ADAMTSL1: variants seen among roughly 807,000 people sequenced by gnomAD.
The protein encoded by ADAMTSL1 is ADAMTS-like protein 1.
ADAMTSL1 carries 126 observed loss-of-function variants against 201.8 expected under a neutral mutation model. The observed-to-expected ratio is 0.62, with a 90% CI of 0.54 to 0.72. The LOEUF is 0.72. Among genes scored for constraint, ADAMTSL1 ranks in the 30% least tolerant of loss-of-function variants. The probability of loss-of-function intolerance (pLI) is 0.00; values close to 1 mark genes in which losing one functional copy is unlikely to be tolerated. For missense variants in ADAMTSL1, 2,679 were observed against 2,277.8 expected (o/e 1.18, Z -3.59); for synonymous variants, 1,121 against 903.4 (o/e 1.24, Z -4.32).
chr9:18,681,788 C>T, intron 11 of ADAMTSL1, 24 bp from the exon 12 acceptor site: 1 of 1,572,716 alleles, frequency 6.4e-7, no homozygotes, highest in Non-Finnish European at 8.6e-7. Context: ...TACGAGTCTC[C>T]TCTCTCTTGC....
chr9:18,590,926 A>G (rs1308554230), intron 4 of ADAMTSL1, among the ~76,000 whole-genome samples: 1 of 152,190 alleles, frequency 6.6e-6, no homozygotes, highest in African/African-American at 2.4e-5. Context: ...TGAATTTTTT[A>G]AGATTTGTTG....
intron 1 of ADAMTSL1, among the ~76,000 whole-genome samples, chr9:18,137,087 G>A (rs377077967): frequency 1.3e-5 from 2 of 152,124 alleles, no homozygotes; most frequent in East Asian, 1.9e-4. Flanking sequence ...GTGGACAGTT[G>A]TGAAAGATGA....
chr9:18,666,950 CTTTTTTTT>C (rs35220169), intron 9 of ADAMTSL1, among the ~76,000 whole-genome samples: 1 of 128,950 alleles, frequency 7.8e-6, no homozygotes, highest in Non-Finnish European at 1.7e-5. Flanking sequence ...TGCAGATTTT[CTTTTTTTT>C]TTTTTTTTTG....
chr9:18,716,368 A>G (rs1422087233), intron 14 of ADAMTSL1, among the ~76,000 whole-genome samples: 1 of 151,854 alleles, frequency 6.6e-6, no homozygotes, highest in African/African-American at 2.4e-5. Flanking sequence ...CAGAATCTAC[A>G]ATGAACTCAA....
intron 4 of ADAMTSL1, among the ~76,000 whole-genome samples, chr9:18,588,021 T>C (rs1454202123): frequency 2.0e-5 from 3 of 152,182 alleles, no homozygotes; most frequent in African/African-American, 7.2e-5. Context: ...ATAGTAGTTC[T>C]AGTTTTAGTT....
chr9:18,844,960 G>C (rs1010038608), intron 23 of ADAMTSL1, among the ~76,000 whole-genome samples: 1 of 152,206 alleles, frequency 6.6e-6, no homozygotes, highest in Non-Finnish European at 1.5e-5. Flanking sequence ...CTTTGACTAA[G>C]AAAGGGAACT....
At chr9:18,696,939 G>C (rs1057184565) in intron 13 of ADAMTSL1, among the ~76,000 whole-genome samples, 33 of 150,156 alleles carry the variant, frequency 2.2e-4, no homozygotes, top group Admixed American at 2.0e-3. Flanking sequence ...GAGTGCAGTG[G>C]TGTGATCTCA....
At chr9:18,894,696 T>C (rs1829507751) in intron 26 of ADAMTSL1, among the ~76,000 whole-genome samples, 1 of 152,194 alleles carries the variant, frequency 6.6e-6, no homozygotes, top group South Asian at 2.1e-4. Context: ...GTACAGATGC[T>C]CATTAAGTAG....
chr9:18,072,916 T>C (rs1486643565), intron 1 of ADAMTSL1, among the ~76,000 whole-genome samples: 2 of 152,218 alleles, frequency 1.3e-5, no homozygotes, highest in African/African-American at 4.8e-5. Flanking sequence ...TTGTATTTGT[T>C]GTCCATTTGC....
At chr9:18,874,810 C>CTT (rs368882624) in intron 23 of ADAMTSL1, among the ~76,000 whole-genome samples, 7 of 150,836 alleles carry the variant, frequency 4.6e-5, no homozygotes, top group South Asian at 2.1e-4. Flanking sequence ...TCCCTCTTCT[C>CTT]TTTTTTTTTG....
At chr9:18,287,652 T>TAC (rs368548128) in intron 2 of ADAMTSL1, among the ~76,000 whole-genome samples, 61,883 of 141,908 alleles carry the variant, frequency 0.44, 14,595 homozygotes, top group South Asian at 0.67. Context: ...TGTGTATACA[T>TAC]ATACACATAT....
At position 18,137,362 on chromosome 9, in the gene ADAMTSL1, C is replaced by G. The variant is rs181505580; in HGVS notation, c.88-26500C>G. On this transcript the variant is annotated intron_variant, in intron 1 of 29. Coordinates refer to the ADAMTSL1 transcript ENST00000680146. ...AGAAGTGTTTCTTTATCGTTGTATT[C>G]AGGCTAAACTGGGACTGGCTGAAGC... 4.2e-4 allele frequency among the ~76,000 whole-genome samples: 64 copies of G among 152,244 alleles called. 2 individuals are homozygous for G. The highest frequency in any genetic ancestry group is 2.0e-3 in the Admixed American group (31 of 15,274).
chr9:18,390,515 A>T (rs746306016), intron 2 of ADAMTSL1, among the ~76,000 whole-genome samples: 7 of 152,234 alleles, frequency 4.6e-5, no homozygotes, highest in Non-Finnish European at 7.3e-5. Context: ...GTACTGCATG[A>T]CAGTAAACAA....
intron 13 of ADAMTSL1, among the ~76,000 whole-genome samples, chr9:18,703,320 G>A (rs1832033439): frequency 6.6e-6 from 1 of 152,034 alleles, no homozygotes; most frequent in East Asian, 1.9e-4. Context: ...TAAATACAGA[G>A]CTGGGAGATC....
intron 1 of ADAMTSL1, among the ~76,000 whole-genome samples, chr9:18,074,097 G>T (rs73420829): frequency 1.3e-4 from 20 of 152,084 alleles, no homozygotes; most frequent in African/African-American, 4.6e-4. Flanking sequence ...AACTCCTTAC[G>T]CTTTGAGCAT....
At chr9:18,649,467 A>C (rs985820614) in intron 7 of ADAMTSL1, among the ~76,000 whole-genome samples, 2 of 150,808 alleles carry the variant, frequency 1.3e-5, no homozygotes, top group Non-Finnish European at 3.0e-5. Context: ...AGGTGCTCTG[A>C]TTTTTAGAGT....
chr9:18,007,716 G>A (rs1819886079), intron 1 of ADAMTSL1, among the ~76,000 whole-genome samples: 1 of 151,888 alleles, frequency 6.6e-6, no homozygotes, highest in Non-Finnish European at 1.5e-5. Context: ...GGGAAGCAGA[G>A]AAGAGTATAA....
chr9:18,065,867 G>C (rs1822670079), intron 1 of ADAMTSL1, among the ~76,000 whole-genome samples: 1 of 151,584 alleles, frequency 6.6e-6, no homozygotes, highest in African/African-American at 2.4e-5. Context: ...TGTAATCCCA[G>C]CTATTCAGGA....
intron 1 of ADAMTSL1, among the ~76,000 whole-genome samples, chr9:18,052,853 G>T (rs1821999432): frequency 6.6e-6 from 1 of 152,150 alleles, no homozygotes; most frequent in Non-Finnish European, 1.5e-5. Flanking sequence ...TTTTGAAAAT[G>T]ATTAGAATCA....
Sources: allele counts gnomAD v4.1 joint callset (sites outside exome capture counted in the v4.1 genomes callset), GRCh38; gene constraint gnomAD v4.1.1; transcripts MANE v1.5; gene names NCBI Gene and HGNC (gene_info 2026-07-23, HGNC 2026-07-21).